ZSCAN10: variants seen among roughly 807,000 people sequenced by gnomAD.
ZSCAN10 encodes the protein zinc finger and SCAN domain-containing protein 10.
In ZSCAN10, 52 loss-of-function variants were observed where a neutral mutation model predicts 63.7. The ratio of observed to expected loss-of-function variants is 0.82; its 90% CI spans 0.65 to 1.03. The LOEUF is 1.03. ZSCAN10 is among the 50% of genes least tolerant of loss of function. The pLI, the probability that ZSCAN10 is intolerant of heterozygous loss-of-function variation, is 0.00. For missense variants in ZSCAN10, 1,223 were observed against 1,103.8 expected, an observed-to-expected ratio of 1.11 and a Z score of -1.53; for synonymous variants, 544 against 479.6, an observed-to-expected ratio of 1.13 and a Z score of -1.76.
At chr16:3,093,530 A>T (rs1422514428) in intron 1 of ZSCAN10, among the ~76,000 whole-genome samples, 1 of 151,084 alleles carries the variant, frequency 6.6e-6, no homozygotes, top group African/African-American at 2.4e-5. Flanking sequence ...AAAAAAAAAA[A>T]GAAATTTGCA....
In ZSCAN10 at chr16:3,089,818, G is replaced by A. The variant is rs1443616831; in HGVS notation, c.1616C>T (p.Ala539Val). 1.9e-6 allele frequency: 3 copies of A among 1,571,630 alleles called. No individual in the cohort carries two copies. The highest frequency in any genetic ancestry group is 1.8e-5 in the Admixed American group (1 of 56,242). Residue 539 changes from alanine (A) to valine (V), a missense_variant, in exon 6 of 6, where the codon GCC (alanine) becomes GTC (valine). Ala to Val is a moderately conservative substitution (Grantham distance 64). Coordinates refer to ENST00000576985, the MANE Select transcript of ZSCAN10 (RefSeq NM_032805.3). ...KAFRRSEHLV[A>V]HRRVHTGERP... ...CTCGCCCGTGTGCACCCTCCGGTGG[G>A]CCACCAGGTGCTCGCTGCGCCGGAA...
chr16:3,090,330 G>A lies in ZSCAN10; in HGVS notation c.1104C>T (p.Arg368=). 1.2e-6 allele frequency: 2 copies of A among 1,610,190 alleles called. No homozygotes were observed. Among genetic ancestry groups the A allele is most frequent in the South Asian group, 2.2e-5 (2 of 90,854 alleles). ...GGAAGGAGCGCCCAGCCGGGTGCGA[G>A]CGCAGCTGGTGCGCCTTCAGGCGAG... ...QLSRLKAHQL[R]SHPAGRSFLC... The change falls in exon 6 of 6, where the codon CGC becomes CGT. Residue 368 remains arginine, a synonymous_variant. Coordinates refer to ENST00000576985, the MANE Select transcript of ZSCAN10 (RefSeq NM_032805.3).
At chr16:3,096,148 C>G (rs1334313958) in intron 1 of ZSCAN10, among the ~76,000 whole-genome samples, 2 of 152,198 alleles carry the variant, frequency 1.3e-5, no homozygotes, top group African/African-American at 4.8e-5. Flanking sequence ...AAATTTCGGC[C>G]CCACCCACAG....
Position 3,091,798 on chromosome 16 carries a change from T to C in ZSCAN10, c.695A>G (p.Glu232Gly). Residue 232 changes from glutamate (E) to glycine (G), a missense_variant, in exon 4 of 6, where the codon GAG becomes GGG. Coordinates refer to ENST00000576985, the MANE Select transcript of ZSCAN10 (RefSeq NM_032805.3). ...CGCCAGCTCCTGATCTCGGGAACTCTCCTCTGGCCATGGTGAGGGGCCCTG... is the reference window on the plus strand; with the variant it reads ...CGCCAGCTCCTGATCTCGGGAACTCCCCTCTGGCCATGGTGAGGGGCCCTG... The part of the protein sequence containing the change: ...SPQGPSPWPE[E>G]SSRDQELAAV... The C allele has an allele frequency of 6.4e-7, 1 of 1,572,892 alleles. No individual in the cohort carries two copies. The highest frequency in any genetic ancestry group is 1.4e-5 in the African/African-American group (1 of 73,708).
At chr16:3,092,495 G>A (rs1005466272) in intron 2 of ZSCAN10, 47 bp downstream of exon 2, 11 of 1,455,662 alleles carry the variant, frequency 7.6e-6, no homozygotes, top group Non-Finnish European at 9.1e-6. Flanking sequence ...GGGGGATCAA[G>A]TCCCCATCAT....
At chr16:3,098,145 T>C (rs1464045627) in intron 1 of ZSCAN10, among the ~76,000 whole-genome samples, 1 of 151,774 alleles carries the variant, frequency 6.6e-6, no homozygotes, top group Non-Finnish European at 1.5e-5. Flanking sequence ...CACTGGTTTT[T>C]AGTAGCATGC....
chr16:3,096,928 CAAAAA>C (rs34786703), intron 1 of ZSCAN10, among the ~76,000 whole-genome samples: 1 of 105,196 alleles, frequency 9.5e-6, no homozygotes. Context: ...GACTCTGCCT[CAAAAA>C]AAAAAAAAAA....
rs769504835 is a variant in ZSCAN10, at chr16:3,092,129, C to G, written c.584G>C (p.Gly195Ala). The G allele has an allele frequency of 1.2e-6, 2 of 1,612,844 alleles. No individual in the cohort carries two copies. Among genetic ancestry groups the G allele is most frequent in the South Asian group, 2.2e-5 (2 of 90,956 alleles). Residue 195 changes from glycine to alanine, a missense_variant, in exon 3 of 6, where the codon GGA (glycine) becomes GCA (alanine). Gly to Ala is a moderately conservative substitution (Grantham distance 60). Transcript: ENST00000576985. ...QPRAAQPAEPGQWRLPPSSKQ... is the reference protein window; with the variant it reads ...QPRAAQPAEPAQWRLPPSSKQ... ...TGAACTTGGGGGAAGCCTCCACTGT[C>G]CCGGCTCAGCAGGCTGGGCAGCCCT...
rs768537391 is a variant in ZSCAN10, at chr16:3,090,513, C to A, written c.921G>T (p.Ser307=). Reference sequence around the variant, plus strand: ...CGCTAGCCGCAGCGCCCCGTCCGAGCGACTGGGCGCAAGGCTCTCCCGGCA... The same window carrying A: ...CGCTAGCCGCAGCGCCCCGTCCGAGAGACTGGGCGCAAGGCTCTCCCGGCA... ...PGVPGEPCAQ[S]LGRGAAASGP... is the part of the protein sequence containing the mutation. The change falls in exon 6 of 6, where the codon TCG becomes TCT. Residue 307 remains serine (S), a synonymous_variant. Coordinates refer to ENST00000576985, the MANE Select transcript of ZSCAN10 (RefSeq NM_032805.3). 6.2e-7 allele frequency: 1 copy of A among 1,613,108 alleles called. No homozygotes were observed. Among genetic ancestry groups the A allele is most frequent in the East Asian group, 2.2e-5 (1 of 44,856 alleles).
intron 1 of ZSCAN10, chr16:3,093,464 CGA>C (rs1957113676): frequency 6.7e-6 from 1 of 149,818 alleles, no homozygotes; most frequent in Non-Finnish European, 1.5e-5. Flanking sequence ...TACAGTGAGC[CGA>C]GATCGCGCCA....
At chr16:3,098,649 T>C (rs1333640606) in intron 1 of ZSCAN10, among the ~76,000 whole-genome samples, 1 of 152,064 alleles carries the variant, frequency 6.6e-6, no homozygotes, top group Non-Finnish European at 1.5e-5. Flanking sequence ...GCTCTGTTAA[T>C]ATGCACCTCT....
chr16:3,095,502 G>GCC (rs1957141531), intron 1 of ZSCAN10, among the ~76,000 whole-genome samples: 3 of 136,970 alleles, frequency 2.2e-5, no homozygotes, highest in South Asian at 2.4e-4. Flanking sequence ...GGGCGACAGC[G>GCC]AGACTCCGTC....
Position 3,089,071 on chromosome 16 carries a change from C to T in ZSCAN10, c.*20G>A. ...CCCGGGTAGGTGGCGCAGGGCGCGG[C>T]TGGCGGAAGGCGGGCCAAGCTAGTA... On this transcript the variant is annotated 3_prime_UTR_variant, in exon 6 of 6. Coordinates refer to ENST00000576985, the MANE Select transcript of ZSCAN10 (RefSeq NM_032805.3). 6.8e-7 allele frequency: 1 copy of T among 1,471,426 alleles called. No individual in the cohort carries two copies. The highest frequency in any genetic ancestry group is 8.9e-7 in the Non-Finnish European group (1 of 1,122,860). The allele number at this position is 1,471,426 out of a possible 1,614,324, so 91.1% of individuals were successfully genotyped here.
intron 1 of ZSCAN10, among the ~76,000 whole-genome samples, chr16:3,097,319 C>T (rs1427258754): frequency 6.6e-6 from 1 of 152,042 alleles, no homozygotes; most frequent in Non-Finnish European, 1.5e-5. Flanking sequence ...TCCCAACCTC[C>T]CTGCAACACA....
intron 1 of ZSCAN10, among the ~76,000 whole-genome samples, chr16:3,094,465 C>A (rs560746002): frequency 6.6e-6 from 1 of 152,206 alleles, no homozygotes; most frequent in Non-Finnish European, 1.5e-5. Context: ...CGTCCGTCAG[C>A]TTCGTGAGTA....
rs919197000 is a variant in ZSCAN10 at position 3,089,685 on chromosome 16, G to A, written c.1749C>T (p.Cys583=). 1.2e-6 allele frequency: 2 copies of A among 1,603,852 alleles called. No individual in the cohort carries two copies. Among genetic ancestry groups the A allele is most frequent in the Non-Finnish European group, 8.5e-7 (1 of 1,176,520 alleles). Residue 583 remains cysteine, a synonymous_variant, in exon 6 of 6, where the codon TGC becomes TGT. Transcript: ENST00000576985. ...TGGCCCGGCGCACAAAGCGCTTCCC[G>A]CACTGCGGACAGGCGTAGGGCTTCT... ...TGEKPYACPQ[C]GKRFVRRASL...
At position 3,092,743 on chromosome 16, in the gene ZSCAN10, G is replaced by C; in HGVS notation, c.195C>G (p.Leu65=). ...GCAGCCAGTGGCCGCAGAGCTCCCG[G>C]AGCCGGCTCAGGGACGCCCGTGGCC... ...DMGPRASLSR[L]RELCGHWLRP... The change falls in exon 2 of 6, where the codon CTC becomes CTG. Residue 65 remains leucine (L), a synonymous_variant. Transcript: ENST00000576985. 1.2e-6 allele frequency: 2 copies of C among 1,612,282 alleles called. No homozygotes were observed. The highest frequency in any genetic ancestry group is 2.2e-5 in the East Asian group (1 of 44,822).
At chr16:3,092,341 G>C (rs370597803) in intron 2 of ZSCAN10, 25 bp from the exon 3 acceptor site, 1 of 1,571,434 alleles carries the variant, frequency 6.4e-7, no homozygotes, top group Non-Finnish European at 8.6e-7. Flanking sequence ...TTCAAGTTAA[G>C]TGACTCCCGG....
intron 1 of ZSCAN10, among the ~76,000 whole-genome samples, chr16:3,095,089 A>T (rs1206861078): frequency 1.3e-5 from 2 of 152,126 alleles, no homozygotes; most frequent in Non-Finnish European, 2.9e-5. Flanking sequence ...CGAATTTTCA[A>T]AATGAAAGGT....
Sources: gnomAD v4.1 joint callset for allele counts (sites outside exome capture counted in the v4.1 genomes callset) on GRCh38, gnomAD v4.1.1 for gene constraint, MANE v1.5 for transcripts, NCBI Gene and HGNC (gene_info 2026-07-23, HGNC 2026-07-21) for gene names.